Variants in MOV10 observed in about 807,000 individuals in gnomAD.
MOV10 encodes the protein RNA helicase MOV-10.
A neutral mutation model predicts 108.4 loss-of-function variants in MOV10; 39 were observed. The ratio of observed to expected loss-of-function variants is 0.36; its 90% CI spans 0.28 to 0.47. The LOEUF is 0.47. MOV10 is among the 20% of genes least tolerant of loss of function. The probability of loss-of-function intolerance (pLI) is 1.00; values close to 1 mark genes in which losing one functional copy is unlikely to be tolerated. For missense variants in MOV10, 952 were observed against 1,297.6 expected (o/e 0.73, Z 4.09); for synonymous variants, 490 against 523.1 (o/e 0.94, Z 0.86).
chr1:112,699,766 C>T lies in MOV10; in HGVS notation c.2665C>T (p.Gln889Ter). 1 of 1,614,232 alleles carries T rather than the reference C, an allele frequency of 6.2e-7. No individual in the cohort carries two copies. Among genetic ancestry groups the T allele is most frequent in the South Asian group, 1.1e-5 (1 of 91,088 alleles). The change falls in exon 18 of 21, where the codon CAG (glutamine) becomes TAG (stop). Residue 889 changes from glutamine to a stop codon, truncating the protein, a stop_gained. Coordinates refer to ENST00000369645, the MANE Select transcript of MOV10 (RefSeq NM_001321324.2). LOFTEE classifies it high-confidence loss of function. Reference protein sequence around the residue: ...STVRSSQSFVQLDLDFNLGFL... With the variant: ...STVRSSQSFV Reference sequence around the variant, plus strand: ...CGTGCGAAGCAGCCAGAGCTTTGTGCAGCTGGATCTGGACTTTAATCTGGG... The same window carrying T: ...CGTGCGAAGCAGCCAGAGCTTTGTGTAGCTGGATCTGGACTTTAATCTGGG...
chr1:112,694,646 G>A lies in MOV10; in HGVS notation c.1472+17G>A. 1 of 1,591,670 alleles carries A rather than the reference G, an allele frequency of 6.3e-7. No homozygotes were observed. Among genetic ancestry groups the A allele is most frequent in the African/African-American group, 1.3e-5 (1 of 74,656 alleles). ...GAAACTCAAGTGAGACTGTGGGCAG[G>A]GAGCTTCTGGAGCCACTTGGAGTGT... is the stretch of plus-strand genomic sequence containing the variant. On this transcript the variant is annotated intron_variant, in intron 9 of 20. Transcript: ENST00000369645. The surrounding 1 kb of genome is among the most constrained non-coding windows in gnomAD (Gnocchi z 4.1).
Position 112,698,684 on chromosome 1 carries a change from C to T in MOV10, c.2509-31C>T, listed in dbSNP as rs767700152. 6.2e-6 allele frequency: 10 copies of T among 1,603,486 alleles called. No homozygotes were observed. The Admixed American group carries it at 6.7e-5, about 11-fold the overall frequency. ...TCCCTCTTGCATTAGGTTAATGGCA[C>T]GAGAGAAAGGCACCTGTCCCCTCCT... On this transcript the variant is annotated intron_variant, in intron 16 of 20. Coordinates refer to ENST00000369645, the MANE Select transcript of MOV10 (RefSeq NM_001321324.2).
Position 112,694,054 on chromosome 1 carries a change from C to T in MOV10, c.1177C>T (p.Arg393Trp), listed in dbSNP as rs772742073. ...GACTGAGAGCCGCCCCTCAGTGCTA[C>T]GGGGCGACCACCTGTTTGCCCTTTT... The part of the protein sequence containing the change: ...GVTESRPSVL[R>W]GDHLFALLSS... Residue 393 changes from arginine to tryptophan, a missense_variant, in exon 8 of 21, where the codon CGG becomes TGG. Coordinates refer to ENST00000369645, the MANE Select transcript of MOV10 (RefSeq NM_001321324.2). This position sits in a 1 kb window ranked among gnomAD's most constrained non-coding sequence, Gnocchi z 4.1. 16 of 1,613,834 alleles carry T rather than the reference C, an allele frequency of 9.9e-6. No homozygotes were observed. The highest frequency in any genetic ancestry group is 8.8e-5 in the South Asian group (8 of 91,082).
chr1:112,681,725 C>G (rs1043478288), intron 2 of MOV10, among the ~76,000 whole-genome samples: 1 of 152,044 alleles, frequency 6.6e-6, no homozygotes, highest in Non-Finnish European at 1.5e-5. Context: ...ATAGATCCAT[C>G]CCGCTATTCA....
At position 112,689,854 on chromosome 1, in the gene MOV10, C is replaced by T. The variant is rs2101350857; in HGVS notation, c.592C>T (p.Leu198Phe). The T allele has an allele frequency of 6.2e-7, 1 of 1,614,134 alleles. No individual in the cohort carries two copies. The highest frequency in any genetic ancestry group is 8.5e-7 in the Non-Finnish European group (1 of 1,180,006). Residue 198 changes from leucine to phenylalanine, a missense_variant, in exon 5 of 21, where the codon CTC becomes TTC. Leu to Phe is a conservative substitution (Grantham distance 22, BLOSUM62 0). Transcript: ENST00000369645. ...TTCTCCTCCAGGTGAATGCTATGAA[C>T]TCCATGTCCATTGTAAGACCAGCTT... is the stretch of plus-strand genomic sequence containing the variant. Reference protein sequence around the residue: ...CPLGPGECYELHVHCKTSFVG... With the variant: ...CPLGPGECYEFHVHCKTSFVG...
chr1:112,690,141 C>G, intron 5 of MOV10, 43 bp downstream of exon 5: 1 of 1,600,450 alleles, frequency 6.2e-7, no homozygotes, highest in East Asian at 2.2e-5. Flanking sequence ...GCTCGTATCT[C>G]AACCACATGG....
intron 2 of MOV10, chr1:112,687,225 T>C: frequency 3.0e-6 from 1 of 330,216 alleles, no homozygotes; most frequent in Non-Finnish European, 5.9e-6. Context: ...TTTTGAATGA[T>C]TTATTACCTT....
At chr1:112,683,678 C>G (rs1193940973) in intron 2 of MOV10, among the ~76,000 whole-genome samples, 2 of 152,136 alleles carry the variant, frequency 1.3e-5, no homozygotes, top group East Asian at 3.9e-4. Flanking sequence ...GTATTGTGAG[C>G]CTTTTAAATG....
Position 112,694,537 on chromosome 1 carries a change from C to A in MOV10, c.1380C>A (p.Ala460=). ...AGCCGCTGCGAGTCCAGCACCGTGC[C>A]CTGGAGCTGACAGGGCGCTGGCTGC... ...NRQPLRVQHR[A]LELTGRWLLW... is the part of the protein sequence containing the mutation. The change falls in exon 9 of 21, where the codon GCC becomes GCA. Residue 460 remains alanine (A), a synonymous_variant. Transcript: ENST00000369645. This position sits in a 1 kb window ranked among gnomAD's most constrained non-coding sequence, Gnocchi z 4.1. The A allele has an allele frequency of 6.2e-7, 1 of 1,614,140 alleles. No individual in the cohort carries two copies. Among genetic ancestry groups the A allele is most frequent in the East Asian group, 2.2e-5 (1 of 44,868 alleles).
intron 17 of MOV10, 135 bp from the exon 18 acceptor site, chr1:112,699,550 G>A (rs964011032): frequency 7.2e-5 from 109 of 1,506,518 alleles, no homozygotes; most frequent in East Asian, 2.1e-4. Flanking sequence ...GGGCCGTGTC[G>A]CAGCACTGGT....
At chr1:112,688,112 T>C (rs2101336259) in intron 2 of MOV10, among the ~76,000 whole-genome samples, 1 of 152,124 alleles carries the variant, frequency 6.6e-6, no homozygotes, top group East Asian at 1.9e-4. Context: ...TGAGCTGCCC[T>C]CCAAGCACCA....
intron 2 of MOV10, among the ~76,000 whole-genome samples, chr1:112,676,484 C>T (rs1672207767): frequency 6.6e-6 from 1 of 152,130 alleles, no homozygotes; most frequent in Non-Finnish European, 1.5e-5. Context: ...TGACTTGACT[C>T]AAGGCTATGG....
intron 17 of MOV10, 105 bp downstream of exon 17, chr1:112,698,894 C>T: frequency 1.1e-6 from 1 of 950,236 alleles, no homozygotes; most frequent in East Asian, 2.4e-5. Flanking sequence ...CCCGTCCCAC[C>T]CCTGCTGCCT....
At chr1:112,685,811 T>C (rs546466761) in intron 2 of MOV10, among the ~76,000 whole-genome samples, 55 of 152,264 alleles carry the variant, frequency 3.6e-4, no homozygotes, top group African/African-American at 1.2e-3. Context: ...CCTAGACCAA[T>C]GTTAGGTGAA....
intron 14 of MOV10, 185 bp from the exon 15 acceptor site, chr1:112,697,809 A>G (rs1273564357): frequency 1.6e-6 from 1 of 642,070 alleles, no homozygotes; most frequent in African/African-American, 1.8e-5. Flanking sequence ...CTGGAACTAT[A>G]TTTGGTTCTG....
rs1674098873 is a variant in MOV10, at chr1:112,696,476, C to T, written c.1923C>T (p.His641=). ...SAQFPIDHFT[H]IFIDEAGHCM... is the part of the protein sequence containing the mutation. ...AGTTTCCCATTGATCACTTCACACA[C>T]ATCTTCATCGATGAGGCTGGCCACT... The change falls in exon 13 of 21, where the codon CAC becomes CAT. Residue 641 remains histidine (H), a synonymous_variant. Transcript: ENST00000369645. The T allele has an allele frequency of 1.2e-6, 2 of 1,614,174 alleles. No homozygotes were observed. The highest frequency in any genetic ancestry group is 1.1e-5 in the South Asian group (1 of 91,082).
At chr1:112,681,355 G>A (rs1369221701) in intron 2 of MOV10, among the ~76,000 whole-genome samples, 5 of 152,086 alleles carry the variant, frequency 3.3e-5, no homozygotes, top group East Asian at 1.9e-4. Context: ...TTAGCTGGGC[G>A]TGGTGGCGGG....
chr1:112,696,826 C>G lies in MOV10; in HGVS notation c.2178C>G (p.Thr726=). ...ATGGCTATGACCCCCAGTTCATAAC[C>G]AAGCTGCTCCGCAACTACAGGTATT... ...GPDGYDPQFI[T]KLLRNYRSHP... The change falls in exon 14 of 21, where the codon ACC becomes ACG. Residue 726 remains threonine, a synonymous_variant. Transcript: ENST00000369645. 1 of 1,598,886 alleles carries G rather than the reference C, an allele frequency of 6.3e-7. No individual in the cohort carries two copies. The highest frequency in any genetic ancestry group is 8.5e-7 in the Non-Finnish European group (1 of 1,171,692).
chr1:112,677,520 G>C (rs1054189750), intron 2 of MOV10, among the ~76,000 whole-genome samples: 2 of 152,008 alleles, frequency 1.3e-5, no homozygotes, highest in Non-Finnish European at 2.9e-5. Context: ...GGTATAGCCT[G>C]GTATTATGGT....
Sources: gnomAD v4.1 joint callset for allele counts (sites outside exome capture counted in the v4.1 genomes callset) on GRCh38, gnomAD v4.1.1 for gene constraint, Gnocchi (gnomAD v3.1) non-coding constraint, MANE v1.5 for transcripts, NCBI Gene and HGNC (gene_info 2026-07-23, HGNC 2026-07-21) for gene names.